Variants in DGKI observed in about 807,000 individuals in gnomAD.
DGKI encodes DAG kinase iota.
DGKI carries 55 observed loss-of-function variants against 147.5 expected under a neutral mutation model. The observed-to-expected ratio is 0.37, with a 90% CI of 0.30 to 0.47. DGKI has a LOEUF of 0.47. DGKI is among the 20% of genes least tolerant of loss of function. The pLI, the probability that DGKI is intolerant of heterozygous loss-of-function variation, is 1.00. For synonymous variants in DGKI, 469 were observed against 477.1 expected (o/e 0.98, Z 0.22); for missense variants, 1,007 against 1,323.8 (o/e 0.76, Z 3.71).
chr7:137,459,183 A>C (rs562687565), intron 27 of DGKI, among the ~76,000 whole-genome samples: 1 of 152,256 alleles, frequency 6.6e-6, no homozygotes, highest in African/African-American at 2.4e-5. Flanking sequence ...TCCTTTTTAT[A>C]CTAATTGCCT....
In DGKI at chr7:137,769,285, T is replaced by C. The variant is rs188682910; in HGVS notation, c.401+77177A>G. On this transcript the variant is annotated intron_variant, in intron 1 of 32. Transcript: ENST00000614521. ...GTAAAGTTCTGTAAGAAGAGTTTGG[T>C]ACCAAATGTCCCTGAAAATTTGGAA... 1.2e-4 allele frequency among the ~76,000 whole-genome samples: 18 copies of C among 152,312 alleles called. No homozygotes were observed. The East Asian group carries it at 3.5e-3, about 29-fold the overall frequency.
intron 1 of DGKI, among the ~76,000 whole-genome samples, chr7:137,778,571 A>G (rs188017306): frequency 2.6e-4 from 40 of 152,254 alleles, no homozygotes; most frequent in Admixed American, 2.4e-3. Flanking sequence ...ATTGTTCCAC[A>G]GATAACAATT....
intron 10 of DGKI, among the ~76,000 whole-genome samples, chr7:137,605,365 T>C (rs970178551): frequency 3.5e-5 from 5 of 141,452 alleles, no homozygotes; most frequent in Non-Finnish European, 6.3e-5. Flanking sequence ...TAAAATAAAA[T>C]AAAATAAAAT....
intron 1 of DGKI, among the ~76,000 whole-genome samples, chr7:137,844,416 G>A (rs1454241482): frequency 6.6e-6 from 1 of 152,174 alleles, no homozygotes; most frequent in Non-Finnish European, 1.5e-5. Flanking sequence ...ATATTAGTCT[G>A]CATAAACATC....
intron 6 of DGKI, among the ~76,000 whole-genome samples, chr7:137,641,602 G>C (rs1337092686): frequency 2.0e-5 from 3 of 152,036 alleles, no homozygotes; most frequent in African/African-American, 4.8e-5. Context: ...ATTTAGACTT[G>C]GGTCCCATCC....
chr7:137,482,333 T>C (rs1490001328), intron 23 of DGKI, among the ~76,000 whole-genome samples: 1 of 151,806 alleles, frequency 6.6e-6, no homozygotes, highest in African/African-American at 2.4e-5. Flanking sequence ...CTTGACCAGT[T>C]GCTGTCTTGA....
At chr7:137,730,440 C>A (rs1231899991) in intron 1 of DGKI, among the ~76,000 whole-genome samples, 1 of 152,018 alleles carries the variant, frequency 6.6e-6, no homozygotes, top group Non-Finnish European at 1.5e-5. Flanking sequence ...CTCTCTTGTT[C>A]CTCTCTACAC....
At chr7:137,463,694 G>T (rs1814541988) in intron 26 of DGKI, 83 bp from the exon 27 acceptor site, 1 of 1,525,196 alleles carries the variant, frequency 6.6e-7, no homozygotes, top group African/African-American at 1.4e-5. Context: ...GATGAATCTT[G>T]CCAGTAAATG....
At chr7:137,691,811 T>G (rs531607788) in intron 1 of DGKI, among the ~76,000 whole-genome samples, 2 of 145,830 alleles carry the variant, frequency 1.4e-5, no homozygotes, top group African/African-American at 5.1e-5. Context: ...TTTTTTTTTT[T>G]TTTTTTTTTT....
intron 2 of DGKI, 44 bp from the exon 3 acceptor site, chr7:137,678,696 G>A (rs1267764157): frequency 1.3e-6 from 2 of 1,548,134 alleles, no homozygotes; most frequent in East Asian, 2.2e-5. Flanking sequence ...TTTTTTCCAG[G>A]GATAAGGAAA....
At chr7:137,472,493 A>G (rs1273975657) in intron 23 of DGKI, among the ~76,000 whole-genome samples, 1 of 144,054 alleles carries the variant, frequency 6.9e-6, no homozygotes, top group Non-Finnish European at 1.5e-5. Flanking sequence ...TTATATATAC[A>G]CGTGTATATA....
chr7:137,402,651 T>C (rs1811802189), intron 30 of DGKI, among the ~76,000 whole-genome samples: 1 of 152,206 alleles, frequency 6.6e-6, no homozygotes, highest in Admixed American at 6.5e-5. Context: ...TTGCTATTCC[T>C]TCCACTTCCC....
intron 28 of DGKI, among the ~76,000 whole-genome samples, chr7:137,426,431 G>C (rs1031237224): frequency 1.2e-4 from 18 of 152,190 alleles, no homozygotes; most frequent in Non-Finnish European, 2.2e-4. Context: ...ACCGGTACCA[G>C]CCACTACAAA....
At chr7:137,654,575 G>T (rs1463906746) in intron 5 of DGKI, among the ~76,000 whole-genome samples, 157 bp downstream of exon 5, 1 of 152,170 alleles carries the variant, frequency 6.6e-6, no homozygotes, top group Non-Finnish European at 1.5e-5. Flanking sequence ...AAGACTTGAA[G>T]ATTTTATTGA....
At chr7:137,844,477 A>G (rs367830354) in intron 1 of DGKI, among the ~76,000 whole-genome samples, 53 of 152,348 alleles carry the variant, frequency 3.5e-4, no homozygotes, top group African/African-American at 1.2e-3. Flanking sequence ...TGATTCTGCA[A>G]GTCTAGGGTG....
chr7:137,838,103 A>G, intron 1 of DGKI, among the ~76,000 whole-genome samples: 1 of 150,926 alleles, frequency 6.6e-6, no homozygotes, highest in Non-Finnish European at 1.5e-5. Flanking sequence ...CCCGGGTTCA[A>G]GCAATTCCCC....
intron 1 of DGKI, chr7:137,722,882 A>T: frequency 1.0e-5 from 7 of 697,106 alleles, no homozygotes; most frequent in Non-Finnish European, 1.3e-5. Context: ...TAAATAGTTG[A>T]CTACGTTAAA....
chr7:137,745,617 A>T (rs1795301924), intron 1 of DGKI, among the ~76,000 whole-genome samples: 2 of 152,166 alleles, frequency 1.3e-5, no homozygotes, highest in African/African-American at 4.8e-5. Flanking sequence ...TATCAGATCA[A>T]CTACCACAAT....
At chr7:137,651,250 A>G (rs58551805) in intron 5 of DGKI, among the ~76,000 whole-genome samples, 14,814 of 152,242 alleles carry the variant, frequency 0.097, 2,056 homozygotes, top group African/African-American at 0.31. Flanking sequence ...TGAAGCTATT[A>G]CATTGGTCAA....
Sources: allele counts gnomAD v4.1 joint callset (sites outside exome capture counted in the v4.1 genomes callset), GRCh38; gene constraint gnomAD v4.1.1; transcripts MANE v1.5; gene names NCBI Gene and HGNC (gene_info 2026-07-23, HGNC 2026-07-21).